The following OPHN1 variants were observed in gnomAD, a reference collection of about 807,000 sequenced individuals.
OPHN1 encodes oligophrenin 1.
Under a neutral mutation model 60.7 loss-of-function variants are expected in OPHN1, and 11 were observed. The observed-to-expected ratio is 0.18, with a 90% CI of 0.11 to 0.30. The LOEUF (loss-of-function observed/expected upper bound fraction) is 0.30. OPHN1 is among the 10% of genes least tolerant of loss of function. OPHN1 has a pLI of 1.00. For synonymous variants in OPHN1, 226 were observed against 222.6 expected (o/e 1.02, Z -0.14); for missense variants, 449 against 611.0 (o/e 0.73, Z 2.80).
intron 2 of OPHN1, among the ~76,000 whole-genome samples, chrX:68,332,156 T>C (rs2078298626): frequency 8.9e-6 from 1 of 112,015 alleles, no homozygotes; most frequent in African/African-American, 3.3e-5. Context: ...TCTGTGCTTT[T>C]AAATTTGCAT....
intron 20 of OPHN1, among the ~76,000 whole-genome samples, chrX:68,072,373 T>G (rs778270625): frequency 9.0e-6 from 1 of 111,675 alleles, no homozygotes; most frequent in Non-Finnish European, 1.9e-5. Flanking sequence ...AGAACAGGAC[T>G]AAGAAAAAAG....
chrX:68,303,226 T>C (rs758203927), intron 2 of OPHN1, among the ~76,000 whole-genome samples: 1 of 112,151 alleles, frequency 8.9e-6, no homozygotes, highest in East Asian at 2.8e-4. Flanking sequence ...ATGCTACAAT[T>C]TATCTGGAAT....
chrX:68,322,946 T>C (rs1475550883), intron 2 of OPHN1, among the ~76,000 whole-genome samples: 1 of 111,885 alleles, frequency 8.9e-6, no homozygotes, highest in African/African-American at 3.2e-5. Flanking sequence ...ATTCCACTTA[T>C]ATAATACTCT....
Position 68,081,198 on chromosome X carries a change from CT to C in OPHN1, c.1687-7900del, listed in dbSNP as rs780827629. On this transcript the variant is annotated intron_variant, in intron 19 of 24. Coordinates refer to ENST00000355520, the MANE Select transcript of OPHN1 (RefSeq NM_002547.3). ...CTTTAGAGCATATTAAATAATAGAA[CT>C]TTTTTTTTCATTTATTCCTTCACCA... is the stretch of plus-strand genomic sequence containing the variant. Among the ~76,000 whole-genome samples the C allele has an allele frequency of 3.6e-5, 4 of 110,429 alleles. No homozygotes were observed. In the East Asian group the frequency reaches 8.6e-4, roughly 24 times the overall value.
intron 2 of OPHN1, among the ~76,000 whole-genome samples, chrX:68,390,377 T>C (rs2078647695): frequency 1.8e-5 from 2 of 111,448 alleles, no homozygotes. Context: ...GGTGGGCAGA[T>C]TGCTTGAGCT....
At chrX:68,231,740 A>G (rs1395367579) in intron 6 of OPHN1, among the ~76,000 whole-genome samples, 1 of 112,215 alleles carries the variant, frequency 8.9e-6, no homozygotes, top group East Asian at 2.8e-4. Flanking sequence ...CATTTTGGAA[A>G]AGGCAAAAGT....
At chrX:68,237,403 A>G (rs2077758229) in intron 5 of OPHN1, among the ~76,000 whole-genome samples, 1 of 112,340 alleles carries the variant, frequency 8.9e-6, no homozygotes. Flanking sequence ...GCCAGCTGGA[A>G]TTCTGATAGG....
At chrX:68,146,105 T>C (rs1230600894) in intron 15 of OPHN1, among the ~76,000 whole-genome samples, 1 of 112,443 alleles carries the variant, frequency 8.9e-6, no homozygotes, top group Non-Finnish European at 1.9e-5. Flanking sequence ...TTTTAAAAAT[T>C]AGAATTAACT....
intron 6 of OPHN1, among the ~76,000 whole-genome samples, chrX:68,225,488 C>T (rs946765341): frequency 8.9e-6 from 1 of 111,986 alleles, no homozygotes; most frequent in Non-Finnish European, 1.9e-5. Context: ...GGCCAACTGA[C>T]AACTCATACA....
chrX:68,106,108 G>GAA (rs2077080747), intron 18 of OPHN1, among the ~76,000 whole-genome samples: 1 of 99,449 alleles, frequency 1.0e-5, no homozygotes, highest in African/African-American at 3.7e-5. Flanking sequence ...AGAGAGAAGA[G>GAA]AGAGAGAGAG....
At chrX:68,426,573 T>TATATATATATATATATATATATAA (rs1555987168) in intron 2 of OPHN1, among the ~76,000 whole-genome samples, 6 of 81,621 alleles carry the variant, frequency 7.4e-5, no homozygotes, top group African/African-American at 2.0e-4. Flanking sequence ...TATATATACA[T>TATATATATATATATATATATATAA]ACACAGAGGC....
chrX:68,313,385 C>A (rs1412564658), intron 2 of OPHN1, among the ~76,000 whole-genome samples: 2 of 111,982 alleles, frequency 1.8e-5, no homozygotes, highest in Non-Finnish European at 3.8e-5. Flanking sequence ...TTTCTTATAG[C>A]ACTCTAAGTG....
chrX:68,213,425 T>C (rs2077593918), intron 7 of OPHN1, among the ~76,000 whole-genome samples: 2 of 109,761 alleles, frequency 1.8e-5, no homozygotes, highest in South Asian at 7.8e-4. Flanking sequence ...AAACGTGAAA[T>C]GGGAAAAAAC....
chrX:68,307,306 T>C (rs1000580870), intron 2 of OPHN1, among the ~76,000 whole-genome samples: 1 of 107,510 alleles, frequency 9.3e-6, no homozygotes, highest in African/African-American at 3.4e-5. Context: ...ATAATAATAA[T>C]AGCCGAGCAT....
At chrX:68,404,258 C>G (rs2078730207) in intron 2 of OPHN1, among the ~76,000 whole-genome samples, 1 of 108,558 alleles carries the variant, frequency 9.2e-6, no homozygotes, top group South Asian at 4.1e-4. Flanking sequence ...CTCCCAGGTT[C>G]AAGCGATTCT....
At chrX:68,321,942 T>C (rs1301540537) in intron 2 of OPHN1, among the ~76,000 whole-genome samples, 3 of 105,531 alleles carry the variant, frequency 2.8e-5, no homozygotes, top group Non-Finnish European at 5.7e-5. Flanking sequence ...AGACCAAACA[T>C]ATTTTACATT....
intron 6 of OPHN1, among the ~76,000 whole-genome samples, chrX:68,224,921 G>T (rs1186379149): frequency 1.8e-5 from 2 of 112,052 alleles, no homozygotes; most frequent in Non-Finnish European, 3.8e-5. Context: ...AGCAGGGCAG[G>T]GCATCGCCTC....
intron 15 of OPHN1, among the ~76,000 whole-genome samples, chrX:68,149,967 A>C (rs898693349): frequency 8.0e-5 from 9 of 111,899 alleles, no homozygotes; most frequent in African/African-American, 2.9e-4. Context: ...ATTATTAACT[A>C]TGACAAAGCA....
At chrX:68,101,684 T>C (rs922040227) in intron 18 of OPHN1, among the ~76,000 whole-genome samples, 4 of 112,249 alleles carry the variant, frequency 3.6e-5, no homozygotes, top group South Asian at 3.7e-4. Context: ...TAAAAATGAA[T>C]TATCATTGCC....
Sources: gnomAD v4.1 joint callset for allele counts (sites outside exome capture counted in the v4.1 genomes callset) on GRCh38, gnomAD v4.1.1 for gene constraint, MANE v1.5 for transcripts, NCBI Gene and HGNC (gene_info 2026-07-23, HGNC 2026-07-21) for gene names.